The following MYT1L variants were observed in gnomAD, a reference collection of about 807,000 sequenced individuals.
MYT1L encodes the protein myelin transcription factor 1-like protein.
In MYT1L, 12 loss-of-function variants were observed where a neutral mutation model predicts 126.7. The ratio of observed to expected loss-of-function variants is 0.09; its 90% CI spans 0.06 to 0.15. MYT1L has a LOEUF of 0.15. MYT1L is among the 10% of genes least tolerant of loss of function. The probability of loss-of-function intolerance (pLI) is 1.00; values close to 1 mark genes in which losing one functional copy is unlikely to be tolerated. For missense variants in MYT1L, 979 were observed against 1,585.2 expected (o/e 0.62, Z 6.49); for synonymous variants, 541 against 604.2 (o/e 0.90, Z 1.53).
At chr2:2,068,599 C>CA (rs1391006293) in intron 3 of MYT1L, among the ~76,000 whole-genome samples, 3 of 152,022 alleles carry the variant, frequency 2.0e-5, no homozygotes, top group African/African-American at 7.2e-5. Flanking sequence ...TATTGCTAAA[C>CA]AATTCACCTT....
At chr2:1,871,344 G>A (rs539102205) in intron 18 of MYT1L, among the ~76,000 whole-genome samples, 55 of 152,328 alleles carry the variant, frequency 3.6e-4, no homozygotes, top group Non-Finnish European at 6.3e-4. Context: ...GCTGGAAGCC[G>A]CCGCTGCTGG....
chr2:2,006,701 G>C (rs1016641275), intron 4 of MYT1L, among the ~76,000 whole-genome samples: 1 of 151,996 alleles, frequency 6.6e-6, no homozygotes, highest in Non-Finnish European at 1.5e-5. Context: ...TCAGCCTCCA[G>C]AGTAGCTGAG....
rs571489019 is a variant in MYT1L at position 2,043,377 on chromosome 2, T to C, written c.-158+10601A>G. 6.6e-5 allele frequency among the ~76,000 whole-genome samples: 10 copies of C among 152,322 alleles called. No individual in the cohort carries two copies. In the South Asian group the frequency reaches 1.4e-3, roughly 22 times the overall value. On this transcript the variant is annotated intron_variant, in intron 4 of 24. Transcript: ENST00000647738. ...CATGAAATTTCTTGTTATGTTGTTATCAGTTCTCACCAATGGCAGAAATTA... is the reference window on the plus strand; with the variant it reads ...CATGAAATTTCTTGTTATGTTGTTACCAGTTCTCACCAATGGCAGAAATTA...
chr2:2,127,487 A>G (rs2081865134), intron 3 of MYT1L, among the ~76,000 whole-genome samples: 1 of 152,226 alleles, frequency 6.6e-6, no homozygotes, highest in African/African-American at 2.4e-5. Flanking sequence ...CCCTAGGTGC[A>G]TAAACCCACA....
chr2:2,111,934 T>C (rs2079514923), intron 3 of MYT1L, among the ~76,000 whole-genome samples: 1 of 152,220 alleles, frequency 6.6e-6, no homozygotes, highest in South Asian at 2.1e-4. Context: ...ATCACTCCTG[T>C]GAAACACCAG....
At chr2:2,053,223 G>C (rs949519988) in intron 4 of MYT1L, among the ~76,000 whole-genome samples, 2 of 152,192 alleles carry the variant, frequency 1.3e-5, no homozygotes, top group African/African-American at 2.4e-5. Flanking sequence ...TTCACAGAGA[G>C]AGAAAGCAGA....
At chr2:1,903,343 G>C in intron 13 of MYT1L, 49 bp from the exon 14 acceptor site, 1 of 1,449,574 alleles carries the variant, frequency 6.9e-7, no homozygotes, top group Non-Finnish European at 9.6e-7. Context: ...CTGTGGCTTT[G>C]TACACGACGA....
At chr2:2,150,162 T>C (rs1485752051) in intron 3 of MYT1L, among the ~76,000 whole-genome samples, 2 of 152,166 alleles carry the variant, frequency 1.3e-5, no homozygotes, top group African/African-American at 2.4e-5. Flanking sequence ...CCGTGGTGCC[T>C]GGCACTGATC....
intron 18 of MYT1L, among the ~76,000 whole-genome samples, chr2:1,867,772 T>C (rs1036987237): frequency 5.9e-5 from 9 of 152,204 alleles, no homozygotes; most frequent in African/African-American, 2.4e-5. Context: ...AATGTGAATA[T>C]GTAGATGAAG....
At chr2:2,079,811 CAAAAAA>C (rs1021232397) in intron 3 of MYT1L, among the ~76,000 whole-genome samples, 1 of 98,832 alleles carries the variant, frequency 1.0e-5, no homozygotes, top group African/African-American at 3.9e-5. Context: ...GACTCCGTCT[CAAAAAA>C]AAAAAAGAAA....
chr2:2,294,421 C>A (rs2149480507), intron 1 of MYT1L, among the ~76,000 whole-genome samples: 1 of 152,256 alleles, frequency 6.6e-6, no homozygotes, highest in African/African-American at 2.4e-5. Flanking sequence ...TGAATTTTGA[C>A]TTGAGCTCAG....
intron 8 of MYT1L, among the ~76,000 whole-genome samples, chr2:1,962,441 C>T (rs1001088843): frequency 5.3e-5 from 8 of 152,138 alleles, no homozygotes; most frequent in Non-Finnish European, 8.8e-5. Flanking sequence ...TTTTTGCTGG[C>T]GGAGGGTCTT....
At chr2:1,969,578 T>C (rs989413236) in intron 8 of MYT1L, among the ~76,000 whole-genome samples, 1 of 152,188 alleles carries the variant, frequency 6.6e-6, no homozygotes, top group Non-Finnish European at 1.5e-5. Flanking sequence ...ACCCCGGCTC[T>C]AGGAAGGCGG....
intron 2 of MYT1L, among the ~76,000 whole-genome samples, chr2:2,197,440 G>T (rs374387599): frequency 6.6e-6 from 1 of 152,050 alleles, no homozygotes; most frequent in African/African-American, 2.4e-5. Flanking sequence ...ACAGATGAGC[G>T]CATAAAAACA....
At chr2:2,124,304 C>CT (rs950554785) in intron 3 of MYT1L, among the ~76,000 whole-genome samples, 35 of 149,124 alleles carry the variant, frequency 2.3e-4, no homozygotes, top group African/African-American at 4.4e-4. Context: ...TATTCTTTTT[C>CT]TTTTTTTTTT....
At chr2:2,036,555 C>T (rs2066875454) in intron 4 of MYT1L, among the ~76,000 whole-genome samples, 1 of 152,260 alleles carries the variant, frequency 6.6e-6, no homozygotes, top group South Asian at 2.1e-4. Context: ...CCCATCCACA[C>T]AGCTCCTCAT....
chr2:1,939,153 G>A (rs2056348684), intron 9 of MYT1L, among the ~76,000 whole-genome samples: 1 of 152,198 alleles, frequency 6.6e-6, no homozygotes, highest in South Asian at 2.1e-4. Context: ...CGGCCACCCT[G>A]TGCCACGCAG....
At chr2:1,814,030 A>T (rs1452492580) in intron 21 of MYT1L, among the ~76,000 whole-genome samples, 3 of 146,592 alleles carry the variant, frequency 2.0e-5, no homozygotes, top group Non-Finnish European at 4.5e-5. Flanking sequence ...CCGTCCCCAA[A>T]AAAAAAAAAA....
intron 2 of MYT1L, among the ~76,000 whole-genome samples, chr2:2,221,346 G>A (rs146481810): frequency 4.6e-5 from 7 of 152,304 alleles, no homozygotes; most frequent in East Asian, 1.9e-4. Context: ...ATTAGTCTGA[G>A]TCTGCTGGCC....
Sources: allele counts gnomAD v4.1 joint callset (sites outside exome capture counted in the v4.1 genomes callset), GRCh38; gene constraint gnomAD v4.1.1; transcripts MANE v1.5; gene names NCBI Gene and HGNC (gene_info 2026-07-23, HGNC 2026-07-21).